Variants in GPC5 observed in about 807,000 individuals in gnomAD.
GPC5 encodes glypican 5.
GPC5 carries 47 observed loss-of-function variants against 53.9 expected under a neutral mutation model. The observed-to-expected ratio is 0.87, with a 90% CI of 0.69 to 1.11. The LOEUF is 1.11. Among genes scored for constraint, GPC5 ranks in the 50% most tolerant of loss-of-function variants. The pLI, the probability that GPC5 is intolerant of heterozygous loss-of-function variation, is 0.00. For synonymous variants in GPC5, 286 were observed against 263.3 expected, an observed-to-expected ratio of 1.09 and a Z score of -0.84; for missense variants, 748 against 713.1, an observed-to-expected ratio of 1.05 and a Z score of -0.56.
rs1491589093 is a variant in GPC5, at chr13:92,347,882, T to TATTATATATATAA, written c.1561+202893_1561+202894insATTATATATATAA. ...ATATATATTATATATATAATATATA[T>TATTATATATATAA]TATATATATTATATATATAATATAT... On this transcript the variant is annotated intron_variant, in intron 7 of 7. Transcript: ENST00000377067. 6.4e-3 allele frequency among the ~76,000 whole-genome samples: 15 copies of TATTATATATATAA among 2,332 alleles called. 3 individuals are homozygous for TATTATATATATAA. Among genetic ancestry groups the TATTATATATATAA allele is most frequent in the Admixed American group, 0.013 (1 of 78 alleles). 1.5% of individuals were successfully genotyped at this position (2,332 alleles called of 152,430 possible).
At chr13:91,454,328 C>G (rs1470643576) in intron 2 of GPC5, among the ~76,000 whole-genome samples, 1 of 151,944 alleles carries the variant, frequency 6.6e-6, no homozygotes, top group Non-Finnish European at 1.5e-5. Context: ...ATCAGGTTTA[C>G]TTTTCCAAGT....
intron 6 of GPC5, among the ~76,000 whole-genome samples, chr13:91,949,337 T>C (rs1011739323): frequency 2.6e-5 from 4 of 152,156 alleles, no homozygotes; most frequent in African/African-American, 9.7e-5. Context: ...ACTATGAATA[T>C]TACAAATGGT....
intron 6 of GPC5, among the ~76,000 whole-genome samples, chr13:92,050,636 G>T (rs1306993031): frequency 1.3e-5 from 2 of 152,166 alleles, no homozygotes; most frequent in African/African-American, 4.8e-5. Flanking sequence ...AATCTGTAAA[G>T]AATAAGACAT....
intron 6 of GPC5, among the ~76,000 whole-genome samples, chr13:92,141,139 G>T (rs866563603): frequency 2.0e-5 from 3 of 152,144 alleles, no homozygotes; most frequent in Non-Finnish European, 2.9e-5. Flanking sequence ...CATTGTTTTT[G>T]TTGATTACAA....
intron 6 of GPC5, among the ~76,000 whole-genome samples, chr13:91,908,546 G>C (rs1363205948): frequency 1.3e-5 from 2 of 152,046 alleles, no homozygotes; most frequent in Non-Finnish European, 2.9e-5. Flanking sequence ...TTATAATCTA[G>C]CTAATGGTTG....
intron 7 of GPC5, among the ~76,000 whole-genome samples, chr13:92,171,296 C>T (rs1002064759): frequency 3.9e-5 from 6 of 152,108 alleles, no homozygotes; most frequent in Non-Finnish European, 8.8e-5. Context: ...CAAACTCTTC[C>T]TGCAATAAAT....
chr13:92,107,934 T>C (rs916509823), intron 6 of GPC5, among the ~76,000 whole-genome samples: 2 of 152,188 alleles, frequency 1.3e-5, no homozygotes, highest in African/African-American at 4.8e-5. Flanking sequence ...ATCCATCCAA[T>C]ACTAATTTGT....
chr13:91,696,430 A>G (rs1457636913), intron 3 of GPC5, among the ~76,000 whole-genome samples: 1 of 152,188 alleles, frequency 6.6e-6, no homozygotes, highest in African/African-American at 2.4e-5. Flanking sequence ...ACTGATTTTA[A>G]ATTCCTTGAA....
intron 7 of GPC5, among the ~76,000 whole-genome samples, chr13:92,321,380 T>G (rs1249819032): frequency 6.6e-6 from 1 of 152,146 alleles, no homozygotes; most frequent in African/African-American, 2.4e-5. Context: ...GATCACGAGG[T>G]CAGGAGAGCA....
At chr13:91,616,906 C>G (rs1039600476) in intron 2 of GPC5, among the ~76,000 whole-genome samples, 1 of 152,092 alleles carries the variant, frequency 6.6e-6, no homozygotes, top group Non-Finnish European at 1.5e-5. Flanking sequence ...ACCTTGCCAG[C>G]CTTCACACTG....
chr13:92,304,618 CT>C (rs2043098853), intron 7 of GPC5, among the ~76,000 whole-genome samples: 1 of 152,072 alleles, frequency 6.6e-6, no homozygotes, highest in Non-Finnish European at 1.5e-5. Flanking sequence ...TAATGAGCCC[CT>C]ATGAATACAT....
intron 6 of GPC5, among the ~76,000 whole-genome samples, chr13:92,009,947 C>T (rs2040644859): frequency 6.6e-6 from 1 of 152,140 alleles, no homozygotes; most frequent in Non-Finnish European, 1.5e-5. Context: ...TCCAGATACT[C>T]ATCTTGAGAA....
intron 7 of GPC5, among the ~76,000 whole-genome samples, chr13:92,406,075 A>G (rs1267012549): frequency 6.6e-6 from 1 of 152,194 alleles, no homozygotes; most frequent in East Asian, 1.9e-4. Context: ...TTTCTATTTA[A>G]CCTACTGTTC....
chr13:92,474,882 A>T (rs943847245), intron 7 of GPC5, among the ~76,000 whole-genome samples: 2 of 152,074 alleles, frequency 1.3e-5, no homozygotes, highest in African/African-American at 4.8e-5. Flanking sequence ...ATTCAGAAAA[A>T]TATCTGCTGA....
chr13:91,628,600 T>C (rs919982411), intron 2 of GPC5, among the ~76,000 whole-genome samples: 1 of 152,198 alleles, frequency 6.6e-6, no homozygotes, highest in African/African-American at 2.4e-5. Flanking sequence ...TGAAACAATA[T>C]GGGCTTTGAA....
At chr13:91,665,589 G>A (rs1030774641) in intron 2 of GPC5, among the ~76,000 whole-genome samples, 2 of 151,330 alleles carry the variant, frequency 1.3e-5, no homozygotes, top group African/African-American at 4.9e-5. Flanking sequence ...TGCAAGCTCC[G>A]CCTCCCAGGT....
intron 7 of GPC5, among the ~76,000 whole-genome samples, chr13:92,475,934 A>G (rs1879106725): frequency 6.6e-6 from 1 of 152,126 alleles, no homozygotes; most frequent in Non-Finnish European, 1.5e-5. Context: ...TAAAACCATA[A>G]AAAGCCTAGA....
intron 7 of GPC5, among the ~76,000 whole-genome samples, chr13:92,529,790 G>A (rs559004429): frequency 1.2e-4 from 18 of 152,198 alleles, no homozygotes; most frequent in Middle Eastern, 3.4e-3. Context: ...TTAACAACAC[G>A]TTATAAATAT....
intron 3 of GPC5, among the ~76,000 whole-genome samples, chr13:91,707,084 A>G (rs572014471): frequency 6.6e-6 from 1 of 152,246 alleles, no homozygotes; most frequent in Non-Finnish European, 1.5e-5. Flanking sequence ...CTGTCAATAT[A>G]TGACATGGTC....
Sources: gnomAD v4.1 joint callset for allele counts (sites outside exome capture counted in the v4.1 genomes callset) on GRCh38, gnomAD v4.1.1 for gene constraint, MANE v1.5 for transcripts, NCBI Gene and HGNC (gene_info 2026-07-23, HGNC 2026-07-21) for gene names.